The following GPHN variants were observed in gnomAD, a reference collection of about 807,000 sequenced individuals.
GPHN encodes gephyrin.
GPHN carries 17 observed loss-of-function variants against 95.5 expected under a neutral mutation model. That is an observed-to-expected ratio of 0.18 (90% CI 0.12 to 0.27). The LOEUF (loss-of-function observed/expected upper bound fraction) is 0.27. Ranked by LOEUF, GPHN falls within the 10% of genes least tolerant of loss-of-function variation. The pLI is 1.00. For synonymous variants in GPHN, 320 were observed against 322.5 expected (o/e 0.99, Z 0.08); for missense variants, 660 against 978.1 (o/e 0.67, Z 4.34).
chr14:67,223,672 T>A, the GPHN span: 1 of 924,644 alleles, frequency 1.1e-6, no homozygotes, highest in Non-Finnish European at 1.3e-6. Context: ...ATTAATTATT[T>A]TCCCTGTTTG....
chr14:67,583,576 G>A, the GPHN span, among the ~76,000 whole-genome samples: 2 of 152,152 alleles, frequency 1.3e-5, no homozygotes, highest in Non-Finnish European at 2.9e-5. Flanking sequence ...TTTCTCTAGT[G>A]TCTATAAAAC....
At chr14:66,641,720 A>G (rs933016668) in intron 1 of GPHN, among the ~76,000 whole-genome samples, 1 of 152,062 alleles carries the variant, frequency 6.6e-6, no homozygotes, top group Non-Finnish European at 1.5e-5. Context: ...CTTAATTTAC[A>G]ACTATATAAC....
chr14:67,206,766 C>T, the GPHN span, among the ~76,000 whole-genome samples: 16 of 151,702 alleles, frequency 1.1e-4, no homozygotes, highest in Admixed American at 2.0e-4. Context: ...AGTCTCACTC[C>T]GTTGCCCAGG....
intron 1 of GPHN, among the ~76,000 whole-genome samples, chr14:66,511,005 A>C (rs1156298898): frequency 6.6e-6 from 1 of 152,160 alleles, no homozygotes; most frequent in East Asian, 1.9e-4. Context: ...ATAATAGAGG[A>C]AAATAGGTTT....
intron 3 of GPHN, among the ~76,000 whole-genome samples, chr14:66,780,962 T>C (rs867194384): frequency 3.9e-5 from 6 of 152,360 alleles, no homozygotes; most frequent in Middle Eastern, 3.4e-3. Flanking sequence ...AATATGCATA[T>C]GTATTTTTGT....
the GPHN span, among the ~76,000 whole-genome samples, chr14:67,284,442 A>AAAAAAAAAAAAAAAAC: frequency 7.0e-6 from 1 of 142,768 alleles, no homozygotes; most frequent in African/African-American, 2.6e-5. Context: ...AAAAAAAAAA[A>AAAAAAAAAAAAAAAAC]AACAGCTGGG....
chr14:66,938,967 G>A (rs1322463301), intron 8 of GPHN, among the ~76,000 whole-genome samples: 1 of 152,132 alleles, frequency 6.6e-6, no homozygotes, highest in Non-Finnish European at 1.5e-5. Flanking sequence ...TCAAAAAATG[G>A]TCCTGGGAAA....
intron 11 of GPHN, among the ~76,000 whole-genome samples, chr14:67,080,752 C>T (rs1227286771): frequency 6.6e-6 from 1 of 152,120 alleles, no homozygotes; most frequent in East Asian, 1.9e-4. Flanking sequence ...TTTTATCCCT[C>T]ACCTGCCTCC....
chr14:67,727,249 A>G, the GPHN span: 1 of 1,378,390 alleles, frequency 7.3e-7, no homozygotes, highest in Non-Finnish European at 1.0e-6. Context: ...AGAGGTCCAC[A>G]GCAACTTGGG....
chr14:66,974,433 T>G (rs905029331), intron 9 of GPHN, among the ~76,000 whole-genome samples: 3 of 152,070 alleles, frequency 2.0e-5, no homozygotes, highest in Admixed American at 6.6e-5. Flanking sequence ...CTATTTCTAA[T>G]TATTTAATGG....
chr14:67,317,551 T>C, the GPHN span: 1 of 952,934 alleles, frequency 1.0e-6, no homozygotes, highest in East Asian at 2.6e-5. Flanking sequence ...TTTTGCACCT[T>C]AATGTTAAAT....
At chr14:67,389,640 G>A in the GPHN span, among the ~76,000 whole-genome samples, 1 of 152,132 alleles carries the variant, frequency 6.6e-6, no homozygotes, top group Admixed American at 6.5e-5. Context: ...GTGTGTATAG[G>A]CACGTATGTG....
At chr14:66,823,915 T>C (rs908423062) in intron 3 of GPHN, among the ~76,000 whole-genome samples, 1 of 152,244 alleles carries the variant, frequency 6.6e-6, no homozygotes, top group African/African-American at 2.4e-5. Context: ...TAATTGCCCT[T>C]TTTAGCAAAT....
intron 1 of GPHN, among the ~76,000 whole-genome samples, chr14:66,669,364 C>CAA (rs34581492): frequency 3.3e-5 from 4 of 120,210 alleles, no homozygotes; most frequent in Non-Finnish European, 3.9e-5. Context: ...AACTCTGTCT[C>CAA]AAAAAAAAAA....
At chr14:67,386,124 G>A in the GPHN span, 1 of 152,582 alleles carries the variant, frequency 6.6e-6, no homozygotes, top group East Asian at 1.9e-4. Context: ...ACTAAACGTA[G>A]TTTAATTCAG....
At position 67,181,485 on chromosome 14, in the gene GPHN, C is replaced by A; in HGVS notation, c.*548C>A. On this transcript the variant is annotated 3_prime_UTR_variant, in exon 23 of 23. Coordinates refer to ENST00000478722, the MANE Select transcript of GPHN (RefSeq NM_020806.5). ...TCAAGAACCATCCCCTGCAGAGCAT[C>A]CAGGGAGGTTTCTCGCCCCAATAGC... 1.9e-6 allele frequency: 1 copy of A among 518,904 alleles called. No individual in the cohort carries two copies. The highest frequency in any genetic ancestry group is 1.5e-5 in the South Asian group (1 of 64,956). 32.1% of individuals were successfully genotyped at this position (518,904 alleles called of 1,614,324 possible).
intron 11 of GPHN, among the ~76,000 whole-genome samples, chr14:67,069,905 C>G (rs920153528): frequency 1.3e-5 from 2 of 152,118 alleles, no homozygotes; most frequent in Admixed American, 6.5e-5. Flanking sequence ...ATTGAGATAC[C>G]TATTCAAATA....
At chr14:66,784,475 C>T (rs1184747719) in intron 3 of GPHN, among the ~76,000 whole-genome samples, 1 of 152,064 alleles carries the variant, frequency 6.6e-6, no homozygotes, top group Non-Finnish European at 1.5e-5. Flanking sequence ...GAGAAAACAG[C>T]AGAATGGGTC....
intron 2 of GPHN, among the ~76,000 whole-genome samples, chr14:66,694,414 A>C (rs546190361): frequency 6.6e-6 from 1 of 152,340 alleles, no homozygotes; most frequent in South Asian, 2.1e-4. Context: ...AAATAGACTT[A>C]AGACAATGTT....
Sources: gnomAD v4.1 joint callset for allele counts (sites outside exome capture counted in the v4.1 genomes callset) on GRCh38, gnomAD v4.1.1 for gene constraint, MANE v1.5 for transcripts, NCBI Gene and HGNC (gene_info 2026-07-23, HGNC 2026-07-21) for gene names.